CEP20: variants seen among roughly 807,000 people sequenced by gnomAD.
CEP20 encodes the protein FGFR1OP N-terminal like.
In CEP20, 18 loss-of-function variants were observed where a neutral mutation model predicts 20.0. That is an observed-to-expected ratio of 0.90 (90% CI 0.62 to 1.34). CEP20 has a LOEUF of 1.34. Ranked by LOEUF, CEP20 falls within the 40% of genes most tolerant of loss-of-function variation. CEP20 has a pLI of 0.00. For synonymous variants in CEP20, 77 were observed against 73.7 expected (o/e 1.04, Z -0.23); for missense variants, 215 against 201.6 (o/e 1.07, Z -0.40).
rs2044706543 is a variant in CEP20, at chr16:15,867,443, T to A, written c.522A>T (p.Arg174Ser). Residue 174 changes from arginine to serine, a missense_variant, in exon 5 of 5, where the codon AGA becomes AGT. Transcript: ENST00000255759. ...EDLHVSQAVNR is the reference protein window; with the variant it reads ...EDLHVSQAVNS ...AAAAGATACCCCAAACAAAGCATTA[T>A]CTGTTGACTGCCTGAGAAACATGAA... 1 of 1,592,922 alleles carries A rather than the reference T, an allele frequency of 6.3e-7. No homozygotes were observed. Among genetic ancestry groups the A allele is most frequent in the African/African-American group, 1.3e-5 (1 of 74,620 alleles).
At chr16:15,887,345 C>A (rs577220024) in intron 1 of CEP20, among the ~76,000 whole-genome samples, 18 of 152,284 alleles carry the variant, frequency 1.2e-4, no homozygotes, top group Admixed American at 2.6e-4. Context: ...AGCCCTGTCC[C>A]CAAATACACA....
intron 1 of CEP20, 130 bp from the exon 2 acceptor site, chr16:15,884,335 T>G (rs1342356751): frequency 1.4e-6 from 1 of 729,924 alleles, no homozygotes; most frequent in African/African-American, 1.8e-5. Context: ...ATCTAAACAT[T>G]GTGACAAATT....
chr16:15,880,669 A>G (rs56238891), intron 2 of CEP20, among the ~76,000 whole-genome samples: 10,537 of 152,244 alleles, frequency 0.069, 483 homozygotes, highest in East Asian at 0.22. Flanking sequence ...CCAACCCCCG[A>G]GCCACAGATT....
At chr16:15,880,667 C>G (rs1182433314) in intron 2 of CEP20, among the ~76,000 whole-genome samples, 1 of 152,142 alleles carries the variant, frequency 6.6e-6, no homozygotes, top group Admixed American at 6.5e-5. Flanking sequence ...CCCCAACCCC[C>G]GAGCCACAGA....
chr16:15,884,097 A>C lies in CEP20; in HGVS notation c.137T>G (p.Leu46Trp), dbSNP rs1445736306. 6.2e-7 allele frequency: 1 copy of C among 1,613,986 alleles called. No homozygotes were observed. Among genetic ancestry groups the C allele is most frequent in the African/African-American group, 1.3e-5 (1 of 74,936 alleles). The change falls in exon 2 of 5, where the codon TTG becomes TGG. Residue 46 changes from leucine to tryptophan, a missense_variant. By Grantham distance (61) the Leu-to-Trp change is moderately conservative. Transcript: ENST00000255759. Reference sequence around the variant, plus strand: ...ATTAATTAGAAGGTTTTCATGAGACAATGATGGTCGGGGTTCACGGTCATC... The same window carrying C: ...ATTAATTAGAAGGTTTTCATGAGACCATGATGGTCGGGGTTCACGGTCATC... The part of the protein sequence containing the change: ...LDDDREPRPS[L>W]SHENLLINEL...
chr16:15,884,558 G>A (rs2045195034), intron 1 of CEP20, among the ~76,000 whole-genome samples: 1 of 152,094 alleles, frequency 6.6e-6, no homozygotes, highest in South Asian at 2.1e-4. Flanking sequence ...CTGGAGTGCA[G>A]TGGCACGATC....
chr16:15,870,938 T>A (rs148068152), intron 4 of CEP20, among the ~76,000 whole-genome samples: 2 of 152,226 alleles, frequency 1.3e-5, no homozygotes, highest in East Asian at 3.9e-4. Flanking sequence ...ACAATGTATA[T>A]ATATTTAAAT....
chr16:15,869,380 G>A (rs1176850293), intron 4 of CEP20, among the ~76,000 whole-genome samples: 1 of 149,038 alleles, frequency 6.7e-6, no homozygotes, highest in Non-Finnish European at 1.5e-5. Flanking sequence ...GCGCAATCTC[G>A]GCTCACTGCA....
At chr16:15,867,564 C>A in intron 4 of CEP20, 48 bp from the exon 5 acceptor site, 1 of 1,273,492 alleles carries the variant, frequency 7.9e-7, no homozygotes, top group Non-Finnish European at 1.1e-6. Flanking sequence ...AGTCAAAACA[C>A]ACAGATAGGT....
intron 2 of CEP20, among the ~76,000 whole-genome samples, chr16:15,880,236 TAA>T (rs1306536437): frequency 6.6e-6 from 1 of 152,164 alleles, no homozygotes; most frequent in East Asian, 1.9e-4. Context: ...TACTTATAAA[TAA>T]AAATTAAAGT....
intron 2 of CEP20, among the ~76,000 whole-genome samples, chr16:15,882,338 G>A (rs2045118507): frequency 6.6e-6 from 1 of 152,142 alleles, no homozygotes; most frequent in African/African-American, 2.4e-5. Context: ...TCAGGAGACT[G>A]AGACCATCCT....
rs1285808675 is a variant in CEP20 at position 15,867,379 on chromosome 16, A to G, written c.*61T>C. 3.8e-6 allele frequency: 5 copies of G among 1,321,628 alleles called. No homozygotes were observed. Among genetic ancestry groups the G allele is most frequent in the Non-Finnish European group, 5.2e-6 (5 of 970,464 alleles). 81.9% of individuals were successfully genotyped at this position (1,321,628 alleles called of 1,614,324 possible). A position where few individuals can be genotyped will look rare whatever the true frequency, so the allele number is the denominator to read the frequency against. On this transcript the variant is annotated 3_prime_UTR_variant, in exon 5 of 5. Transcript: ENST00000255759. The stretch of plus-strand genomic sequence containing the variant: ...TGGTGCATTTTGGTAACATTGGGAC[A>G]ATAAATAAGTTATTTAATTAATAAT...
chr16:15,880,708 G>A (rs2045076764), intron 2 of CEP20, among the ~76,000 whole-genome samples: 1 of 152,006 alleles, frequency 6.6e-6, no homozygotes, highest in Admixed American at 6.6e-5. Context: ...CAGGAGGTGA[G>A]GAGTGGGCAA....
At chr16:15,879,944 G>C in intron 2 of CEP20, 56 bp from the exon 3 acceptor site, 1 of 1,236,754 alleles carries the variant, frequency 8.1e-7, no homozygotes, top group South Asian at 1.3e-5. Flanking sequence ...AAGCAAATAA[G>C]ATTTTGAAAA....
chr16:15,874,827 G>A (rs1413283549), intron 3 of CEP20, among the ~76,000 whole-genome samples: 1 of 152,186 alleles, frequency 6.6e-6, no homozygotes, highest in East Asian at 1.9e-4. Context: ...CAGAGGCCAC[G>A]TGGTAATGGC....
chr16:15,873,792 A>T (rs2044879235), intron 3 of CEP20, among the ~76,000 whole-genome samples, 165 bp from the exon 4 acceptor site: 1 of 152,260 alleles, frequency 6.6e-6, no homozygotes, highest in African/African-American at 2.4e-5. Flanking sequence ...CAAATTGTTC[A>T]TACTTTTAAA....
chr16:15,867,593 C>G (rs2044711411), intron 4 of CEP20, 77 bp from the exon 5 acceptor site: 1 of 912,834 alleles, frequency 1.1e-6, no homozygotes. Flanking sequence ...CTACAAATAT[C>G]TTAGGATGTT....
chr16:15,882,770 T>TACACACA (rs1218534204), intron 2 of CEP20, among the ~76,000 whole-genome samples: 13 of 78,900 alleles, frequency 1.6e-4, no homozygotes, highest in African/African-American at 6.9e-4. Flanking sequence ...TATCTATCTA[T>TACACACA]CTATCTATCT....
At chr16:15,887,598 A>G (rs2045275219) in intron 1 of CEP20, among the ~76,000 whole-genome samples, 1 of 152,204 alleles carries the variant, frequency 6.6e-6, no homozygotes, top group East Asian at 1.9e-4. Context: ...GGTTGTTACA[A>G]TCAGGTAACA....
Sources: gnomAD v4.1 joint callset for allele counts (sites outside exome capture counted in the v4.1 genomes callset) on GRCh38, gnomAD v4.1.1 for gene constraint, MANE v1.5 for transcripts, NCBI Gene and HGNC (gene_info 2026-07-23, HGNC 2026-07-21) for gene names.